The following ARAP1 variants were observed in gnomAD, a reference collection of about 807,000 sequenced individuals.
The protein encoded by ARAP1 is ArfGAP with RhoGAP domain, ankyrin repeat and PH domain 1.
A neutral mutation model predicts 172.2 loss-of-function variants in ARAP1; 76 were observed. That is an observed-to-expected ratio of 0.44 (90% CI 0.37 to 0.53). The LOEUF is 0.53. Ranked by LOEUF, ARAP1 falls within the 20% of genes least tolerant of loss-of-function variation. The pLI is 0.00. For missense variants in ARAP1, 1,686 were observed against 1,977.5 expected, an observed-to-expected ratio of 0.85 and a Z score of 2.80; for synonymous variants, 804 against 803.3, an observed-to-expected ratio of 1.00 and a Z score of -0.01.
Position 72,714,340 on chromosome 11 carries a change from T to C in ARAP1, c.510-19A>G. ...GGGCAGGCTGGGAACACAACAAAAGTTGGGCATCACTAAGCAACAGAGCCA... is the reference window on the plus strand; with the variant it reads ...GGGCAGGCTGGGAACACAACAAAAGCTGGGCATCACTAAGCAACAGAGCCA... On this transcript the variant is annotated intron_variant, in intron 3 of 34. Transcript: ENST00000393609. The C allele has an allele frequency of 6.5e-7, 1 of 1,543,572 alleles. No individual in the cohort carries two copies. The highest frequency in any genetic ancestry group is 8.7e-7 in the Non-Finnish European group (1 of 1,143,564).
At chr11:72,751,122 G>T (rs1469509445) in intron 1 of ARAP1, among the ~76,000 whole-genome samples, 1 of 152,076 alleles carries the variant, frequency 6.6e-6, no homozygotes, top group Non-Finnish European at 1.5e-5. Context: ...TCAGTCACCG[G>T]TACTCTGCCT....
intron 1 of ARAP1, among the ~76,000 whole-genome samples, chr11:72,747,724 G>A (rs1858410209): frequency 6.6e-6 from 1 of 152,206 alleles, no homozygotes; most frequent in Non-Finnish European, 1.5e-5. Flanking sequence ...AAGGTGGATA[G>A]GACAATAGCA....
chr11:72,705,762 G>A (rs754377452), intron 13 of ARAP1, 43 bp downstream of exon 13: 1 of 1,606,772 alleles, frequency 6.2e-7, no homozygotes, highest in Non-Finnish European at 8.5e-7. Flanking sequence ...GCTGTTGAAT[G>A]GGGCAGACCC....
chr11:72,732,333 A>C (rs1428700417), intron 2 of ARAP1, among the ~76,000 whole-genome samples, 182 bp downstream of exon 2: 1 of 152,178 alleles, frequency 6.6e-6, no homozygotes, highest in Non-Finnish European at 1.5e-5. Flanking sequence ...CCAAGGTTCC[A>C]AGGCCTGCTG....
chr11:72,743,225 A>T (rs113521363), intron 1 of ARAP1, among the ~76,000 whole-genome samples: 5,868 of 152,358 alleles, frequency 0.039, 206 homozygotes, highest in Middle Eastern at 0.068. Flanking sequence ...CAACGTCAAG[A>T]AAATGCTCAA....
rs757697007 is a variant in ARAP1, at chr11:72,697,304, C to T, written c.2953+19G>A. On this transcript the variant is annotated intron_variant, in intron 21 of 34. Coordinates refer to ENST00000393609, the MANE Select transcript of ARAP1 (RefSeq NM_001040118.3). ...CTCTCCGGGAGGGGCGGGGCTGGCA[C>T]CCTAGGGGCAGGGCTCACCGCACTG... is the stretch of plus-strand genomic sequence containing the variant. 2.5e-6 allele frequency: 4 copies of T among 1,575,554 alleles called. No homozygotes were observed. The East Asian group carries it at 7.0e-5, about 27-fold the overall frequency.
rs770528702 is a variant in ARAP1, at chr11:72,697,114, G to A, written c.3035C>T (p.Ala1012Val). The A allele has an allele frequency of 5.0e-6, 8 of 1,607,010 alleles. No individual in the cohort carries two copies. Among genetic ancestry groups the A allele is most frequent in the Non-Finnish European group, 5.9e-6 (7 of 1,179,890 alleles). The change falls in exon 22 of 35, where the codon GCG becomes GTG. Residue 1012 changes from alanine (A) to valine (V), a missense_variant. By Grantham distance (64) the Ala-to-Val change is moderately conservative. This residue lies in a region of ARAP1 where 274 missense variants were observed against 262.7 expected (regional missense o/e 1.04). Transcript: ENST00000393609. ...QRLLESLRQDARSVHLKEGEQ... is the reference protein window; with the variant it reads ...QRLLESLRQDVRSVHLKEGEQ... ...GCCCTCCTTGAGGTGCACAGAGCGCGCATCCTGCCGCAGGCTCTCCAGCAG... is the reference window on the plus strand; with the variant it reads ...GCCCTCCTTGAGGTGCACAGAGCGCACATCCTGCCGCAGGCTCTCCAGCAG...
Position 72,716,487 on chromosome 11 carries a change from C to A in ARAP1, c.510-2166G>T, listed in dbSNP as rs750171162. On this transcript the variant is annotated intron_variant, in intron 3 of 34. Coordinates refer to ENST00000393609, the MANE Select transcript of ARAP1 (RefSeq NM_001040118.3). The stretch of plus-strand genomic sequence containing the variant: ...CAACCACTGCCTTTGGCAGCATGGC[C>A]TGTGGAGGAACAGCATCTGGACGGA... Among the ~76,000 whole-genome samples, 8 of 152,380 alleles carry A rather than the reference C, an allele frequency of 5.3e-5. No individual in the cohort carries two copies. In the South Asian group the frequency reaches 1.7e-3, roughly 32 times the overall value.
In ARAP1 at chr11:72,689,874, A is replaced by G. The variant is rs769451920; in HGVS notation, c.3988-1337T>C. ...GAGGAAATCAGGCTTCGGACATGGA[A>G]GAAACAAGATGTGGGGGAATATAAG... On this transcript the variant is annotated intron_variant, in intron 30 of 34. Transcript: ENST00000393609. Among the ~76,000 whole-genome samples, 5 of 152,292 alleles carry G rather than the reference A, an allele frequency of 3.3e-5. No homozygotes were observed. The Middle Eastern group carries it at 0.01, about 311-fold the overall frequency.
At chr11:72,712,751 A>T in intron 5 of ARAP1, 183 bp from the exon 6 acceptor site, 2 of 997,946 alleles carry the variant, frequency 2.0e-6, no homozygotes, top group Non-Finnish European at 3.0e-6. Context: ...GATCACAGGG[A>T]CAGGAGAGCC....
chr11:72,699,309 G>T lies in ARAP1; in HGVS notation c.2438+108C>A. 2.0e-6 allele frequency: 3 copies of T among 1,530,930 alleles called. No homozygotes were observed. Among genetic ancestry groups the T allele is most frequent in the Non-Finnish European group, 2.7e-6 (3 of 1,128,380 alleles). The allele number at this position is 1,530,930 out of a possible 1,614,324, so 94.8% of individuals were successfully genotyped here. A position where few individuals can be genotyped will look rare whatever the true frequency, so the allele number is the denominator to read the frequency against. On this transcript the variant is annotated intron_variant, in intron 17 of 34. Coordinates refer to ENST00000393609, the MANE Select transcript of ARAP1 (RefSeq NM_001040118.3). The surrounding 1 kb of genome is among the most constrained non-coding windows in gnomAD (Gnocchi z 4.2). ...GGCCCTTGTGCAGCCTCCGTTTGCT[G>T]TGTGACTCTGCGGAGGTCCTCCCCT...
At position 72,699,402 on chromosome 11, in the gene ARAP1, C is replaced by T. The variant is rs751253174; in HGVS notation, c.2438+15G>A. ...CTTATAGCAACCACAGTCTGATTTG[C>T]CCAGGAGTACTCACCCATGGGTGTC... On this transcript the variant is annotated intron_variant, in intron 17 of 34. Transcript: ENST00000393609. This position sits in a 1 kb window ranked among gnomAD's most constrained non-coding sequence, Gnocchi z 4.2. 6.2e-7 allele frequency: 1 copy of T among 1,613,974 alleles called. No individual in the cohort carries two copies. The highest frequency in any genetic ancestry group is 1.1e-5 in the South Asian group (1 of 91,070).
Position 72,712,432 on chromosome 11 carries a change from A to G in ARAP1, c.878+6T>C, listed in dbSNP as rs1347765087. The G allele has an allele frequency of 1.3e-6, 2 of 1,563,534 alleles. No individual in the cohort carries two copies. Among genetic ancestry groups the G allele is most frequent in the Non-Finnish European group, 8.7e-7 (1 of 1,148,190 alleles). ...TCAGTGGGAAGGAGGGTGGCCGGACACTCACTTGGGGACGCCCTCATAGGC... is the reference window on the plus strand; with the variant it reads ...TCAGTGGGAAGGAGGGTGGCCGGACGCTCACTTGGGGACGCCCTCATAGGC... On this transcript the variant is annotated splice_donor_region_variant and intron_variant, in intron 6 of 34. Coordinates refer to ENST00000393609, the MANE Select transcript of ARAP1 (RefSeq NM_001040118.3).
chr11:72,742,601 C>T (rs57512065), intron 1 of ARAP1, among the ~76,000 whole-genome samples: 1 of 152,110 alleles, frequency 6.6e-6, no homozygotes, highest in Non-Finnish European at 1.5e-5. Flanking sequence ...GCTAAGACCC[C>T]GATCCTTACT....
chr11:72,698,869 G>C, intron 18 of ARAP1, 136 bp downstream of exon 18: 1 of 918,298 alleles, frequency 1.1e-6, no homozygotes, highest in Non-Finnish European at 1.7e-6. Flanking sequence ...TGGTGGGACA[G>C]GCCCGCTCCA....
intron 16 of ARAP1, chr11:72,700,578 G>T: frequency 6.6e-6 from 1 of 152,398 alleles, no homozygotes; most frequent in Non-Finnish European, 1.5e-5. Context: ...CCCACTGTGT[G>T]CTAGCCACTG....
intron 3 of ARAP1, among the ~76,000 whole-genome samples, chr11:72,716,902 G>C (rs1017338243): frequency 6.6e-6 from 1 of 152,220 alleles, no homozygotes; most frequent in African/African-American, 2.4e-5. Flanking sequence ...GGGCCTGTGG[G>C]AGTCTTGAGT....
intron 1 of ARAP1, among the ~76,000 whole-genome samples, chr11:72,746,681 C>G (rs113953723): frequency 2.0e-5 from 3 of 152,034 alleles, no homozygotes; most frequent in Non-Finnish European, 2.9e-5. Flanking sequence ...ACCCCCTCCC[C>G]CTCTCACCTG....
In ARAP1 at chr11:72,687,443, A is replaced by C; in HGVS notation, c.4181T>G (p.Val1394Gly). 1 of 1,614,190 alleles carries C rather than the reference A, an allele frequency of 6.2e-7. No homozygotes were observed. Among genetic ancestry groups the C allele is most frequent in the Non-Finnish European group, 8.5e-7 (1 of 1,180,030 alleles). The change falls in exon 33 of 35, where the codon GTG becomes GGG. Residue 1394 changes from valine (V) to glycine (G), a missense_variant. Val to Gly is a moderately radical substitution (Grantham distance 109). Coordinates refer to ENST00000393609, the MANE Select transcript of ARAP1 (RefSeq NM_001040118.3). ...LREWFATFLF[V>G]QHDGLVWPSE... ...CCCACACTCTGCACCTGGTACCTGC[A>C]CAAACAGAAAGGTAGCGAACCACTC...
Sources: allele counts gnomAD v4.1 joint callset (sites outside exome capture counted in the v4.1 genomes callset), GRCh38; gene constraint gnomAD v4.1.1; regional missense constraint gnomAD v4.1.1; non-coding constraint Gnocchi (gnomAD v3.1); transcripts MANE v1.5; gene names NCBI Gene and HGNC (gene_info 2026-07-23, HGNC 2026-07-21).